Variants in SMPD3 observed in about 807,000 individuals in gnomAD.
SMPD3 encodes nSMase-2.
A neutral mutation model predicts 55.7 loss-of-function variants in SMPD3; 21 were observed. That is an observed-to-expected ratio of 0.38 (90% CI 0.27 to 0.54). SMPD3 has a LOEUF of 0.54. Among genes scored for constraint, SMPD3 ranks in the 20% least tolerant of loss-of-function variants. The pLI, the probability that SMPD3 is intolerant of heterozygous loss-of-function variation, is 0.80. For synonymous variants in SMPD3, 457 were observed against 404.3 expected (o/e 1.13, Z -1.56); for missense variants, 842 against 899.6 (o/e 0.94, Z 0.82).
At chr16:68,429,301 C>T (rs976786053) in intron 1 of SMPD3, among the ~76,000 whole-genome samples, 14 of 152,192 alleles carry the variant, frequency 9.2e-5, no homozygotes, top group Admixed American at 3.3e-4. Context: ...CAGAGCCAGG[C>T]ACCAGTCAAT....
chr16:68,364,912 G>T lies in SMPD3; in HGVS notation c.1400-6C>A, dbSNP rs777577451. On this transcript the variant is annotated splice_polypyrimidine_tract_variant and splice_region_variant and intron_variant, in intron 4 of 8. Transcript: ENST00000219334. ...ACACCGGATGGCGCTGTCCTCTGCA[G>T]GGCAGAAGTACAGAGACTGGATGAT... is the stretch of plus-strand genomic sequence containing the variant. The T allele has an allele frequency of 6.2e-7, 1 of 1,613,342 alleles. No homozygotes were observed. The highest frequency in any genetic ancestry group is 1.3e-5 in the African/African-American group (1 of 74,918).
chr16:68,423,468 A>G (rs139516550), intron 1 of SMPD3, among the ~76,000 whole-genome samples: 2,978 of 152,268 alleles, frequency 0.02, 59 homozygotes, highest in Admixed American at 0.048. Context: ...CTGAGCTGGC[A>G]TACTCTCTAT....
In SMPD3 at chr16:68,371,949, G is replaced by A; in HGVS notation, c.233C>T (p.Ala78Val). ...GGACCAGAAGAGAAAGCCGAGAAACGCAAAGGGCAGCGAGGCCACCAGGAG... is the reference window on the plus strand; with the variant it reads ...GGACCAGAAGAGAAAGCCGAGAAACACAAAGGGCAGCGAGGCCACCAGGAG... ...LALLVASLPF[A>V]FLGFLFWSPL... is the part of the protein sequence containing the mutation. The change falls in exon 3 of 9, where the codon GCG (alanine) becomes GTG (valine). Residue 78 changes from alanine to valine, a missense_variant. Around this residue, in one of 2 missense-constraint regions of SMPD3, gnomAD observed 193 missense variants for 256.0 expected, o/e 0.75. Transcript: ENST00000219334. The A allele has an allele frequency of 1.2e-6, 2 of 1,611,962 alleles. No homozygotes were observed. Among genetic ancestry groups the A allele is most frequent in the Non-Finnish European group, 1.7e-6 (2 of 1,179,600 alleles).
At chr16:68,361,399 G>GGGGCTGGGGT in intron 8 of SMPD3, 92 bp from the exon 9 acceptor site, 2 of 1,437,550 alleles carry the variant, frequency 1.4e-6, no homozygotes, top group South Asian at 2.5e-5. Context: ...GTGAGGCCCC[G>GGGGCTGGGGT]GGGCTGGGGT....
intron 1 of SMPD3, among the ~76,000 whole-genome samples, chr16:68,399,823 C>A (rs1337387796): frequency 6.6e-6 from 1 of 152,150 alleles, no homozygotes; most frequent in African/African-American, 2.4e-5. Flanking sequence ...AGAGAGGAGC[C>A]CCTTGCTATA....
chr16:68,393,392 C>T (rs555089273), intron 1 of SMPD3, among the ~76,000 whole-genome samples: 5 of 152,002 alleles, frequency 3.3e-5, no homozygotes, highest in African/African-American at 9.7e-5. Context: ...CGATAGAGCA[C>T]GAGATTCTGT....
At chr16:68,365,158 G>A in intron 3 of SMPD3, 66 bp from the exon 4 acceptor site, 1 of 1,539,276 alleles carries the variant, frequency 6.5e-7, no homozygotes, top group Non-Finnish European at 9.0e-7. Flanking sequence ...ACAGGACACT[G>A]GCAGTGCCCA....
Position 68,363,824 on chromosome 16 carries a change from C to T in SMPD3, c.1598G>A (p.Arg533Lys), listed in dbSNP as rs1392331037. Residue 533 changes from arginine to lysine, a missense_variant, in exon 6 of 9, where the codon AGG becomes AAG. This residue lies in a region of SMPD3 where 649 missense variants were observed against 643.6 expected (regional missense o/e 1.01). Coordinates refer to ENST00000219334, the MANE Select transcript of SMPD3 (RefSeq NM_018667.4). ...ACCAGGCCCCAGGCGGCAGGGGTCC[C>T]TGTAGTGGGTGAACAGGGAGTGTTG... is the stretch of plus-strand genomic sequence containing the variant. ...EQQHSLFTHYRDPCRLGPGEE... is the reference protein window; with the variant it reads ...EQQHSLFTHYKDPCRLGPGEE... The T allele has an allele frequency of 1.9e-6, 3 of 1,571,660 alleles. No individual in the cohort carries two copies. The highest frequency in any genetic ancestry group is 2.3e-5 in the South Asian group (2 of 85,610).
chr16:68,381,665 T>C (rs2089954582), intron 2 of SMPD3, among the ~76,000 whole-genome samples: 3 of 152,192 alleles, frequency 2.0e-5, no homozygotes, highest in Admixed American at 1.3e-4. Context: ...ACCTGCAGTG[T>C]TGGAGATGGT....
At position 68,371,169 on chromosome 16, in the gene SMPD3, C is replaced by A. The variant is rs2089653674; in HGVS notation, c.1013G>T (p.Arg338Met). The change falls in exon 3 of 9, where the codon AGG becomes ATG. Residue 338 changes from arginine to methionine, a missense_variant. Coordinates refer to ENST00000219334, the MANE Select transcript of SMPD3 (RefSeq NM_018667.4). ...GTCGAAGGCCTCGTCGGGGTGCCGC[C>A]TCCTGCGTGCAGCCGCCTTCTTCAC... ...SVVKKAAARR[R>M]RHPDEAFDHE... 5.0e-6 allele frequency: 8 copies of A among 1,613,368 alleles called. No individual in the cohort carries two copies. Among genetic ancestry groups the A allele is most frequent in the Non-Finnish European group, 6.8e-6 (8 of 1,179,978 alleles).
rs777004223 is a variant in SMPD3, at chr16:68,372,010, G to A, written c.172C>T (p.Leu58Phe). ...ATGGGCGTGAAGAGGGCAGTGCAGA[G>A]CAGCTGCAGGCAGCACGGGTCGTCT... ...RADDPCCLQL[L>F]CTALFTPIYL... Residue 58 changes from leucine (L) to phenylalanine (F), a missense_variant, in exon 3 of 9, where the codon CTC (leucine) becomes TTC (phenylalanine). Around this residue, in one of 2 missense-constraint regions of SMPD3, gnomAD observed 193 missense variants for 256.0 expected, o/e 0.75. Coordinates refer to ENST00000219334, the MANE Select transcript of SMPD3 (RefSeq NM_018667.4). 1.9e-6 allele frequency: 3 copies of A among 1,611,710 alleles called. No individual in the cohort carries two copies. The highest frequency in any genetic ancestry group is 1.7e-6 in the Non-Finnish European group (2 of 1,179,290).
chr16:68,361,161 G>A lies in SMPD3; in HGVS notation c.*45C>T, dbSNP rs2089237722. ...TGGAGGGGACATGGCCCAGGGATGG[G>A]CTGCAGCTGCAAGGGCTGGCAGAGG... is the stretch of plus-strand genomic sequence containing the variant. On this transcript the variant is annotated 3_prime_UTR_variant, in exon 9 of 9. Coordinates refer to ENST00000219334, the MANE Select transcript of SMPD3 (RefSeq NM_018667.4). 1.3e-6 allele frequency: 2 copies of A among 1,563,720 alleles called. No homozygotes were observed. The highest frequency in any genetic ancestry group is 1.1e-5 in the South Asian group (1 of 87,982).
At chr16:68,412,533 C>G (rs1159529761) in intron 1 of SMPD3, among the ~76,000 whole-genome samples, 1 of 152,238 alleles carries the variant, frequency 6.6e-6, no homozygotes, top group African/African-American at 2.4e-5. Context: ...TCCCTGCCTG[C>G]TCACCTGTAG....
At chr16:68,382,657 G>A (rs568971944) in intron 2 of SMPD3, among the ~76,000 whole-genome samples, 1 of 152,276 alleles carries the variant, frequency 6.6e-6, no homozygotes, top group East Asian at 1.9e-4. Context: ...CAGGGAGGTG[G>A]AGCCACTTAG....
intron 1 of SMPD3, among the ~76,000 whole-genome samples, chr16:68,423,814 T>A (rs1054660515): frequency 1.3e-5 from 2 of 152,060 alleles, no homozygotes; most frequent in East Asian, 2.0e-4. Context: ...ACTCTGAGCA[T>A]GAAAGAACAG....
In SMPD3 at chr16:68,372,152, G is replaced by A. The variant is rs893234660; in HGVS notation, c.30C>T (p.Asn10=). The part of the protein sequence containing the change: MVLYTTPFP[N]SCLSALHCVS... ...CACAGTGCAGGGCGGACAGACAGCT[G>A]TTAGGAAAGGGGGTCGTGTACAAAA... Residue 10 remains asparagine (N), a synonymous_variant, in exon 3 of 9, where the codon AAC becomes AAT. Coordinates refer to ENST00000219334, the MANE Select transcript of SMPD3 (RefSeq NM_018667.4). 4 of 1,612,760 alleles carry A rather than the reference G, an allele frequency of 2.5e-6. No homozygotes were observed. Among genetic ancestry groups the A allele is most frequent in the Non-Finnish European group, 3.4e-6 (4 of 1,179,602 alleles).
Position 68,447,156 on chromosome 16 carries a change from T to C in SMPD3, c.-269+1197A>G, listed in dbSNP as rs1043144044. Among the ~76,000 whole-genome samples, 1 of 152,002 alleles carries C rather than the reference T, an allele frequency of 6.6e-6. No homozygotes were observed. The highest frequency in any genetic ancestry group is 2.4e-5 in the African/African-American group (1 of 41,408). On this transcript the variant is annotated intron_variant, in intron 1 of 8. Transcript: ENST00000219334. The surrounding 1 kb of genome is among the most constrained non-coding windows in gnomAD (Gnocchi z 5.1). Reference sequence around the variant, plus strand: ...CAGTGCGGCGACCGCCGCTTTGTCCTCTCGAGGATGCCTGGGCCGAGCGCG... The same window carrying C: ...CAGTGCGGCGACCGCCGCTTTGTCCCCTCGAGGATGCCTGGGCCGAGCGCG...
chr16:68,409,992 G>A (rs2090286308), intron 1 of SMPD3, among the ~76,000 whole-genome samples: 1 of 152,232 alleles, frequency 6.6e-6, no homozygotes, highest in Non-Finnish European at 1.5e-5. Context: ...TCATGGGAGA[G>A]GAGGCTGAGG....
intron 1 of SMPD3, among the ~76,000 whole-genome samples, chr16:68,421,292 C>T (rs1489186928): frequency 6.6e-6 from 1 of 152,230 alleles, no homozygotes; most frequent in Non-Finnish European, 1.5e-5. Flanking sequence ...CTGCCACCTG[C>T]TTTCTGTGGC....
Sources: gnomAD v4.1 joint callset for allele counts (sites outside exome capture counted in the v4.1 genomes callset) on GRCh38, gnomAD v4.1.1 for gene constraint, gnomAD v4.1.1 regional missense constraint, Gnocchi (gnomAD v3.1) non-coding constraint, MANE v1.5 for transcripts, NCBI Gene and HGNC (gene_info 2026-07-23, HGNC 2026-07-21) for gene names.